The following GPATCH11 variants were observed in gnomAD, a reference collection of about 807,000 sequenced individuals.
GPATCH11 encodes G-patch domain containing 11.
Under a neutral mutation model 44.8 loss-of-function variants are expected in GPATCH11, and 32 were observed. The ratio of observed to expected loss-of-function variants is 0.71; its 90% CI spans 0.54 to 0.96. The LOEUF (loss-of-function observed/expected upper bound fraction) is 0.96, where lower values mean the gene tolerates loss of function less well. GPATCH11 is among the 40% of genes least tolerant of loss of function. The pLI is 0.00. For missense variants in GPATCH11, 324 were observed against 303.1 expected (o/e 1.07, Z -0.51); for synonymous variants, 84 against 94.4 (o/e 0.89, Z 0.64).
chr2:37,095,995 C>CTAA (rs1279988179), intron 8 of GPATCH11, among the ~76,000 whole-genome samples: 1 of 152,256 alleles, frequency 6.6e-6, no homozygotes, highest in East Asian at 1.9e-4. Context: ...GTTTCTCCTT[C>CTAA]TAACACCTTT....
In GPATCH11 at chr2:37,091,903, T is replaced by C; in HGVS notation, c.329-13T>C. On this transcript the variant is annotated splice_polypyrimidine_tract_variant and intron_variant, in intron 4 of 8. Transcript: ENST00000674370. The stretch of plus-strand genomic sequence containing the variant: ...GTCAGGATGTTTCTCATCAGAATTT[T>C]CTGTTTGAATAGGGAAAAGTGGCAT... The C allele has an allele frequency of 6.2e-7, 1 of 1,604,474 alleles. No homozygotes were observed. The highest frequency in any genetic ancestry group is 8.5e-7 in the Non-Finnish European group (1 of 1,174,462).
chr2:37,091,895 C>T, intron 4 of GPATCH11, 21 bp from the exon 5 acceptor site: 6 of 1,601,134 alleles, frequency 3.7e-6, no homozygotes, highest in Non-Finnish European at 4.3e-6. Context: ...TGTTTCTCAT[C>T]AGAATTTTCT....
chr2:37,086,807 AAAAAG>A (rs1347244122), intron 1 of GPATCH11, among the ~76,000 whole-genome samples: 2 of 152,000 alleles, frequency 1.3e-5, no homozygotes, highest in Non-Finnish European at 2.9e-5. Flanking sequence ...TCAAAAAACA[AAAAAG>A]AAAACCATTA....
chr2:37,096,308 C>T lies in GPATCH11; in HGVS notation c.*45C>T. Reference sequence around the variant, plus strand: ...GAAACTTGAAAAATGTTATTACTTCCTAGGGATAGACAATTTAGCAGTTGG... The same window carrying T: ...GAAACTTGAAAAATGTTATTACTTCTTAGGGATAGACAATTTAGCAGTTGG... On this transcript the variant is annotated 3_prime_UTR_variant, in exon 9 of 9. Coordinates refer to ENST00000674370, the MANE Select transcript of GPATCH11 (RefSeq NM_174931.4). 8.1e-7 allele frequency: 1 copy of T among 1,233,244 alleles called. No homozygotes were observed. The highest frequency in any genetic ancestry group is 1.2e-6 in the Non-Finnish European group (1 of 868,998). The allele number at this position is 1,233,244 out of a possible 1,614,324, so 76.4% of individuals were successfully genotyped here.
chr2:37,089,590 GAA>G, intron 2 of GPATCH11, 48 bp from the exon 3 acceptor site: 1 of 1,064,314 alleles, frequency 9.4e-7, no homozygotes, highest in Non-Finnish European at 1.3e-6. Flanking sequence ...AAAAAAAAAA[GAA>G]AAGAAAACTT....
rs879308449 is a variant in GPATCH11, at chr2:37,095,369, G to T, written c.655-68G>T. 66 of 1,519,790 alleles carry T rather than the reference G, an allele frequency of 4.3e-5. No individual in the cohort carries two copies. In the Admixed American group the frequency reaches 1.6e-3, roughly 36 times the overall value. 94.1% of individuals were successfully genotyped at this position (1,519,790 alleles called of 1,614,324 possible). Reference sequence around the variant, plus strand: ...TTACAGCCTTGAGCTAATTCGGCACGATCTAAGAGCCAGAAAACCAAGGTT... The same window carrying T: ...TTACAGCCTTGAGCTAATTCGGCACTATCTAAGAGCCAGAAAACCAAGGTT... On this transcript the variant is annotated intron_variant, in intron 7 of 8. Coordinates refer to ENST00000674370, the MANE Select transcript of GPATCH11 (RefSeq NM_174931.4).
intron 7 of GPATCH11, 117 bp from the exon 8 acceptor site, chr2:37,095,320 C>T (rs1673522144): frequency 8.1e-7 from 1 of 1,240,346 alleles, no homozygotes; most frequent in Non-Finnish European, 1.1e-6. Context: ...TTTCTAATAA[C>T]TATTCCAGAG....
intron 1 of GPATCH11, among the ~76,000 whole-genome samples, chr2:37,087,712 T>G (rs867251195): frequency 1.3e-5 from 2 of 152,162 alleles, no homozygotes; most frequent in Non-Finnish European, 2.9e-5. Flanking sequence ...AGGGTAGCCT[T>G]GGCCTACAGG....
At chr2:37,087,008 T>C (rs547755212) in intron 1 of GPATCH11, among the ~76,000 whole-genome samples, 1 of 152,302 alleles carries the variant, frequency 6.6e-6, no homozygotes, top group East Asian at 1.9e-4. Context: ...ATTTTCTCTA[T>C]CTGGCTTCAT....
intron 3 of GPATCH11, 56 bp from the exon 4 acceptor site, chr2:37,090,625 C>G: frequency 1.1e-6 from 1 of 930,684 alleles, no homozygotes; most frequent in East Asian, 2.7e-5. Context: ...CATACTTATA[C>G]TGTTCTGTAG....
chr2:37,091,376 T>C (rs188423073), intron 4 of GPATCH11, among the ~76,000 whole-genome samples: 77 of 148,320 alleles, frequency 5.2e-4, no homozygotes, highest in Middle Eastern at 7.1e-3. Flanking sequence ...CTGGGCAACA[T>C]AGCAAGACCT....
At chr2:37,095,553 T>C (rs1673535763) in intron 8 of GPATCH11, 35 bp downstream of exon 8, 2 of 1,529,466 alleles carry the variant, frequency 1.3e-6, no homozygotes, top group African/African-American at 2.8e-5. Flanking sequence ...TAAAAATAGA[T>C]GAATGCTCTC....
Position 37,097,817 on chromosome 2 carries a change from AT to A in GPATCH11, c.*1556del, listed in dbSNP as rs1271179825. 1 of 152,180 alleles carries A rather than the reference AT, an allele frequency of 6.6e-6. No homozygotes were observed. The highest frequency in any genetic ancestry group is 2.4e-5 in the African/African-American group (1 of 41,452). The allele number at this position is 152,180 out of a possible 1,614,324, so 9.4% of individuals were successfully genotyped here. ...TAATAAAAGGGTCCCATCCCAAGAGATTCTGATGCCATTAGTCACTGTGACT... is the reference window on the plus strand; with the variant it reads ...TAATAAAAGGGTCCCATCCCAAGAGATCTGATGCCATTAGTCACTGTGACT... On this transcript the variant is annotated 3_prime_UTR_variant, in exon 9 of 9. Coordinates refer to ENST00000674370, the MANE Select transcript of GPATCH11 (RefSeq NM_174931.4).
intron 2 of GPATCH11, among the ~76,000 whole-genome samples, chr2:37,088,820 C>T (rs1044283667): frequency 1.3e-5 from 2 of 152,232 alleles, no homozygotes; most frequent in Non-Finnish European, 2.9e-5. Context: ...CCGTGCCCAG[C>T]CTGACAGTGA....
chr2:37,094,316 C>T (rs183383840), intron 7 of GPATCH11, 121 bp downstream of exon 7: 1 of 637,718 alleles, frequency 1.6e-6, no homozygotes, highest in Non-Finnish European at 2.8e-6. Flanking sequence ...TTAGCAGCAT[C>T]TCTGGCCCCT....
chr2:37,085,847 A>T (rs1053852009), intron 1 of GPATCH11, among the ~76,000 whole-genome samples: 4 of 152,256 alleles, frequency 2.6e-5, no homozygotes, highest in Non-Finnish European at 5.9e-5. Context: ...TGCAGTGAAG[A>T]TGCCAGCCCA....
At position 37,096,699 on chromosome 2, in the gene GPATCH11, G is replaced by A; in HGVS notation, c.*436G>A. On this transcript the variant is annotated 3_prime_UTR_variant, in exon 9 of 9. Transcript: ENST00000674370. ...TATTTCTCCCTGATTGGAGAGAACA[G>A]CGGGTCTCTGCCTTGTTGGGGCAGA... 6.0e-6 allele frequency: 1 copy of A among 167,216 alleles called. No individual in the cohort carries two copies. The allele number at this position is 167,216 out of a possible 1,614,324, so 10.4% of individuals were successfully genotyped here. A position where few individuals can be genotyped will look rare whatever the true frequency, so the allele number is the denominator to read the frequency against.
At position 37,099,183 on chromosome 2, in the gene GPATCH11, T is replaced by G. The variant is rs1179787862; in HGVS notation, c.*2920T>G. 2.0e-5 allele frequency: 3 copies of G among 152,218 alleles called. No homozygotes were observed. The highest frequency in any genetic ancestry group is 4.4e-5 in the Non-Finnish European group (3 of 68,026). The allele number at this position is 152,218 out of a possible 1,614,324, so 9.4% of individuals were successfully genotyped here. A position where few individuals can be genotyped will look rare whatever the true frequency, so the allele number is the denominator to read the frequency against. On this transcript the variant is annotated 3_prime_UTR_variant, in exon 9 of 9. Transcript: ENST00000674370. ...TCCAGAATTCTGTAGTTTCTGAAAT[T>G]CAAAATAAATACTTTAACATACCAA...
At chr2:37,091,251 G>C (rs1673304164) in intron 4 of GPATCH11, among the ~76,000 whole-genome samples, 1 of 151,846 alleles carries the variant, frequency 6.6e-6, no homozygotes, top group Non-Finnish European at 1.5e-5. Flanking sequence ...TTGAACCCAG[G>C]AGGCAGAGAT....
Sources: allele counts gnomAD v4.1 joint callset (sites outside exome capture counted in the v4.1 genomes callset), GRCh38; gene constraint gnomAD v4.1.1; transcripts MANE v1.5; gene names NCBI Gene and HGNC (gene_info 2026-07-23, HGNC 2026-07-21).